Variants in NDST4 observed in about 807,000 individuals in gnomAD.
NDST4 encodes the protein N-heparan sulfate sulfotransferase 4.
A neutral mutation model predicts 100.8 loss-of-function variants in NDST4; 63 were observed. The observed-to-expected ratio is 0.62, with a 90% CI of 0.51 to 0.77. The LOEUF is 0.77. NDST4 is among the 30% of genes least tolerant of loss of function. The pLI, the probability that NDST4 is intolerant of heterozygous loss-of-function variation, is 0.00. For synonymous variants in NDST4, 377 were observed against 361.8 expected, an observed-to-expected ratio of 1.04 and a Z score of -0.48; for missense variants, 943 against 1,018.4, an observed-to-expected ratio of 0.93 and a Z score of 1.01.
intron 5 of NDST4, among the ~76,000 whole-genome samples, chr4:114,935,693 C>G (rs999783741): frequency 6.6e-6 from 1 of 152,178 alleles, no homozygotes; most frequent in Non-Finnish European, 1.5e-5. Flanking sequence ...GGCCATTACT[C>G]TCTTCACTTC....
chr4:115,107,295 G>C (rs866658808), intron 1 of NDST4, among the ~76,000 whole-genome samples: 2 of 152,046 alleles, frequency 1.3e-5, no homozygotes, highest in Non-Finnish European at 2.9e-5. Context: ...TAGAAGTAAA[G>C]GTGAGACTTC....
At chr4:115,059,629 C>T (rs185613167) in intron 2 of NDST4, among the ~76,000 whole-genome samples, 113 of 152,128 alleles carry the variant, frequency 7.4e-4, no homozygotes, top group Middle Eastern at 3.4e-3. Context: ...TTCATACAGA[C>T]CATCTATCTT....
chr4:114,862,637 C>T (rs1030832965), intron 7 of NDST4, among the ~76,000 whole-genome samples: 3 of 152,088 alleles, frequency 2.0e-5, no homozygotes, highest in African/African-American at 4.8e-5. Context: ...GTGCACATGT[C>T]TTTGGCATTC....
At chr4:115,033,979 C>A (rs750747792) in intron 2 of NDST4, among the ~76,000 whole-genome samples, 49 of 152,064 alleles carry the variant, frequency 3.2e-4, no homozygotes, top group South Asian at 4.2e-4. Context: ...GTATTTTGAT[C>A]CTAAAATCAA....
chr4:115,051,350 T>G (rs879311621), intron 2 of NDST4, among the ~76,000 whole-genome samples: 1 of 152,126 alleles, frequency 6.6e-6, no homozygotes, highest in African/African-American at 2.4e-5. Context: ...CATTTACCCT[T>G]TTGAAGTATA....
intron 4 of NDST4, among the ~76,000 whole-genome samples, chr4:114,941,508 A>G (rs1216500019): frequency 2.0e-5 from 3 of 152,108 alleles, no homozygotes; most frequent in Non-Finnish European, 2.9e-5. Flanking sequence ...TTTTTATGAA[A>G]ATGAGTTTCA....
At chr4:114,977,115 C>G (rs1209408809) in intron 3 of NDST4, 72 bp downstream of exon 3, 1 of 938,046 alleles carries the variant, frequency 1.1e-6, no homozygotes, top group Non-Finnish European at 1.6e-6. Flanking sequence ...TCTATCTCTA[C>G]CACTTATGAA....
At chr4:115,042,439 C>T (rs1396244081) in intron 2 of NDST4, among the ~76,000 whole-genome samples, 1 of 152,072 alleles carries the variant, frequency 6.6e-6, no homozygotes, top group Non-Finnish European at 1.5e-5. Context: ...AGGTATTTTA[C>T]CATCTCCCGT....
chr4:114,911,644 T>G (rs2126215058), intron 6 of NDST4, among the ~76,000 whole-genome samples: 1 of 152,294 alleles, frequency 6.6e-6, no homozygotes, highest in African/African-American at 2.4e-5. Context: ...TTCATTTTTC[T>G]TAAGTACTTG....
chr4:114,894,043 G>A (rs1009651308), intron 6 of NDST4, among the ~76,000 whole-genome samples: 2 of 152,048 alleles, frequency 1.3e-5, no homozygotes, highest in Non-Finnish European at 2.9e-5. Flanking sequence ...AAGATCAGAT[G>A]GTTGTAGATG....
Position 114,829,804 on chromosome 4 carries a change from G to C in NDST4, c.2485C>G (p.Pro829Ala). Reference protein sequence around the residue: ...LGKSKGRKYPPMDPESRTFLS... With the variant: ...LGKSKGRKYPAMDPESRTFLS... ...AAAATTATTACCTCTGGATCCATAG[G>C]TGGATATTTTCGGCCTTTGCTTTTT... The change falls in exon 13 of 14, where the codon CCT (proline) becomes GCT (alanine). Residue 829 changes from proline (P) to alanine (A), a missense_variant. Transcript: ENST00000264363. 6.2e-7 allele frequency: 1 copy of C among 1,609,982 alleles called. No individual in the cohort carries two copies. Among genetic ancestry groups the C allele is most frequent in the South Asian group, 1.1e-5 (1 of 90,290 alleles).
intron 4 of NDST4, among the ~76,000 whole-genome samples, chr4:114,940,645 C>T (rs548563224): frequency 6.6e-6 from 1 of 152,268 alleles, no homozygotes; most frequent in South Asian, 2.1e-4. Flanking sequence ...TGTTTAACAG[C>T]TCGGTGGAAG....
At chr4:115,041,027 TAGAAG>T (rs1446072315) in intron 2 of NDST4, among the ~76,000 whole-genome samples, 2 of 152,024 alleles carry the variant, frequency 1.3e-5, no homozygotes, top group African/African-American at 2.4e-5. Flanking sequence ...AGTAACCAAA[TAGAAG>T]AGAAGTTTCT....
intron 4 of NDST4, among the ~76,000 whole-genome samples, chr4:114,963,959 T>C (rs909304354): frequency 1.3e-5 from 2 of 152,224 alleles, no homozygotes; most frequent in African/African-American, 4.8e-5. Flanking sequence ...TTATTGTTTA[T>C]GTTCCCTCTT....
chr4:115,013,552 G>C (rs1727607563), intron 2 of NDST4, among the ~76,000 whole-genome samples: 1 of 151,660 alleles, frequency 6.6e-6, no homozygotes, highest in Non-Finnish European at 1.5e-5. Flanking sequence ...ACTTTGAACT[G>C]TCAATAATTC....
chr4:114,923,052 T>G (rs1725320556), intron 6 of NDST4, among the ~76,000 whole-genome samples: 1 of 152,162 alleles, frequency 6.6e-6, no homozygotes, highest in Non-Finnish European at 1.5e-5. Context: ...AAAAGTACTG[T>G]AGGCATAAGA....
chr4:114,859,810 C>T (rs574979400), intron 7 of NDST4, among the ~76,000 whole-genome samples: 1 of 152,200 alleles, frequency 6.6e-6, no homozygotes, highest in Non-Finnish European at 1.5e-5. Context: ...AGATGACATC[C>T]TTGTCAGCTC....
intron 6 of NDST4, among the ~76,000 whole-genome samples, chr4:114,896,990 T>C (rs982036513): frequency 6.6e-6 from 1 of 152,178 alleles, no homozygotes; most frequent in African/African-American, 2.4e-5. Flanking sequence ...TTAAATCTTC[T>C]GACCCCACAT....
chr4:115,066,391 G>C (rs1728948142), intron 2 of NDST4, among the ~76,000 whole-genome samples: 1 of 152,044 alleles, frequency 6.6e-6, no homozygotes, highest in South Asian at 2.1e-4. Context: ...GGTGCTACTT[G>C]AAATAATTCA....
Sources: allele counts gnomAD v4.1 joint callset (sites outside exome capture counted in the v4.1 genomes callset), GRCh38; gene constraint gnomAD v4.1.1; transcripts MANE v1.5; gene names NCBI Gene and HGNC (gene_info 2026-07-23, HGNC 2026-07-21).